Variants in RAB3GAP2 observed in about 807,000 individuals in gnomAD.
RAB3GAP2 encodes RAB3 GTPase activating non-catalytic protein subunit 2, also known as rab3 GTPase-activating protein non-catalytic subunit.
A neutral mutation model predicts 185.3 loss-of-function variants in RAB3GAP2; 87 were observed. The observed-to-expected ratio is 0.47, with a 90% confidence interval of 0.39 to 0.56. RAB3GAP2 has a LOEUF of 0.56. RAB3GAP2 is among the 20% of genes least tolerant of loss of function. The pLI is 0.00. For missense variants in RAB3GAP2, 1,492 were observed against 1,638.2 expected (o/e 0.91, Z 1.54); for synonymous variants, 554 against 576.1 (o/e 0.96, Z 0.55).
intron 31 of RAB3GAP2, among the ~76,000 whole-genome samples, chr1:220,156,953 G>T (rs1657869033): frequency 6.6e-6 from 1 of 152,096 alleles, no homozygotes; most frequent in African/African-American, 2.4e-5. Flanking sequence ...CTCAAAGAGA[G>T]AAGTTCAAAA....
intron 1 of RAB3GAP2, among the ~76,000 whole-genome samples, chr1:220,256,650 CAAAG>C (rs1334773168): frequency 6.6e-6 from 1 of 152,078 alleles, no homozygotes; most frequent in Non-Finnish European, 1.5e-5. Flanking sequence ...TTTAAAAAGA[CAAAG>C]AAGGGCATTA....
Position 220,272,222 on chromosome 1 carries a change from C to A in RAB3GAP2, c.115+1G>T, listed in dbSNP as rs903011510. On this transcript the variant is annotated splice_donor_variant, in intron 1 of 34. Transcript: ENST00000358951. LOFTEE classifies it high-confidence loss of function. Reference sequence around the variant, plus strand: ...AAGGGCGAGGCCAGAGAGGCACTTACTGGGGTCCCTCCGCAAGGCGCCGCT... The same window carrying A: ...AAGGGCGAGGCCAGAGAGGCACTTAATGGGGTCCCTCCGCAAGGCGCCGCT... 1 of 1,602,290 alleles carries A rather than the reference C, an allele frequency of 6.2e-7. No homozygotes were observed. The highest frequency in any genetic ancestry group is 8.5e-7 in the Non-Finnish European group (1 of 1,175,006).
At position 220,157,857 on chromosome 1, in the gene RAB3GAP2, G is replaced by A. The variant is rs1236611704; in HGVS notation, c.3281C>T (p.Thr1094Ile). Reference protein sequence around the residue: ...LCRRDVGMSDTAMTSFLGSCL... With the variant: ...LCRRDVGMSDIAMTSFLGSCL... ...GGAGCCGAGGAAAGATGTCATTGCTGTGTCACTCATTCCCACATCCTGTTT... is the reference window on the plus strand; with the variant it reads ...GGAGCCGAGGAAAGATGTCATTGCTATGTCACTCATTCCCACATCCTGTTT... Residue 1094 changes from threonine (T) to isoleucine (I), a missense_variant, in exon 30 of 35, where the codon ACA becomes ATA. This residue lies in a region of RAB3GAP2 where 387 missense variants were observed against 455.3 expected (regional missense o/e 0.85). Coordinates refer to ENST00000358951, the MANE Select transcript of RAB3GAP2 (RefSeq NM_012414.4). 1 of 1,613,574 alleles carries A rather than the reference G, an allele frequency of 6.2e-7. No homozygotes were observed. The highest frequency in any genetic ancestry group is 1.7e-5 in the Admixed American group (1 of 60,006).
chr1:220,223,876 G>A (rs1427976750), intron 2 of RAB3GAP2, among the ~76,000 whole-genome samples: 6 of 151,180 alleles, frequency 4.0e-5, no homozygotes, highest in Non-Finnish European at 7.4e-5. Flanking sequence ...TCCAGCCTGG[G>A]CAACATGGTA....
chr1:220,154,234 A>T, intron 31 of RAB3GAP2, 177 bp from the exon 32 acceptor site: 1 of 913,994 alleles, frequency 1.1e-6, no homozygotes, highest in South Asian at 1.9e-5. Context: ...AGCCTTTAAG[A>T]TGAAACCCAG....
In RAB3GAP2 at chr1:220,272,340, C is replaced by A; in HGVS notation, c.-3G>T. 6.2e-7 allele frequency: 1 copy of A among 1,604,362 alleles called. No homozygotes were observed. The highest frequency in any genetic ancestry group is 8.5e-7 in the Non-Finnish European group (1 of 1,174,608). On this transcript the variant is annotated 5_prime_UTR_variant, in exon 1 of 35. Transcript: ENST00000358951. ...AACTGGACAATGGAGCAGGCCATGG[C>A]TCCAGGGAACCCCACTACGGCACTC...
chr1:220,235,407 G>A (rs938500980), intron 1 of RAB3GAP2, among the ~76,000 whole-genome samples: 3 of 152,080 alleles, frequency 2.0e-5, no homozygotes, highest in African/African-American at 7.2e-5. Flanking sequence ...ACATTAGAAA[G>A]CAAAGAATCT....
At chr1:220,173,254 C>T (rs1012409378) in intron 21 of RAB3GAP2, among the ~76,000 whole-genome samples, 2 of 152,118 alleles carry the variant, frequency 1.3e-5, no homozygotes, top group Non-Finnish European at 2.9e-5. Flanking sequence ...AGACTTTAAA[C>T]CAAAAAACTT....
At chr1:220,162,350 A>G in intron 27 of RAB3GAP2, 82 bp from the exon 28 acceptor site, 1 of 922,590 alleles carries the variant, frequency 1.1e-6, no homozygotes, top group East Asian at 2.5e-5. Context: ...TCTTAAGCTT[A>G]TTAAACTATA....
chr1:220,245,432 T>C (rs1377675150), intron 1 of RAB3GAP2, among the ~76,000 whole-genome samples: 1 of 152,128 alleles, frequency 6.6e-6, no homozygotes, highest in African/African-American at 2.4e-5. Context: ...ATCGGGTCAC[T>C]CCCACCCGAA....
intron 1 of RAB3GAP2, among the ~76,000 whole-genome samples, chr1:220,269,372 A>G (rs996692685): frequency 1.3e-5 from 2 of 152,252 alleles, no homozygotes; most frequent in African/African-American, 2.4e-5. Flanking sequence ...CTTATACACC[A>G]TTTAAGAACT....
At chr1:220,167,842 C>T (rs1048033569) in intron 24 of RAB3GAP2, among the ~76,000 whole-genome samples, 167 bp from the exon 25 acceptor site, 17 of 152,142 alleles carry the variant, frequency 1.1e-4, no homozygotes, top group Non-Finnish European at 5.9e-5. Context: ...CTACCTACCA[C>T]GCAACTTGTG....
In RAB3GAP2 at chr1:220,150,615, A is replaced by G. The variant is rs979779597; in HGVS notation, c.*636T>C. Reference sequence around the variant, plus strand: ...TCTGATTCTCAATTTTGGCAAGTACAACAGGTTAAGGGTTCTATTTAGTGT... The same window carrying G: ...TCTGATTCTCAATTTTGGCAAGTACGACAGGTTAAGGGTTCTATTTAGTGT... On this transcript the variant is annotated 3_prime_UTR_variant, in exon 35 of 35. Coordinates refer to ENST00000358951, the MANE Select transcript of RAB3GAP2 (RefSeq NM_012414.4). The G allele has an allele frequency of 1.3e-5, 2 of 152,674 alleles. No homozygotes were observed. The highest frequency in any genetic ancestry group is 4.8e-5 in the African/African-American group (2 of 41,454). The allele number at this position is 152,674 out of a possible 1,614,324, so 9.5% of individuals were successfully genotyped here.
At chr1:220,217,505 T>C (rs1041389785) in intron 2 of RAB3GAP2, among the ~76,000 whole-genome samples, 1 of 152,106 alleles carries the variant, frequency 6.6e-6, no homozygotes, top group Non-Finnish European at 1.5e-5. Flanking sequence ...CTTTCAAACT[T>C]ACTGCAATTA....
At chr1:220,233,745 G>A (rs190275209) in intron 1 of RAB3GAP2, among the ~76,000 whole-genome samples, 2 of 152,048 alleles carry the variant, frequency 1.3e-5, no homozygotes, top group Admixed American at 1.3e-4. Context: ...CTGCTGTCCA[G>A]GCTAGAGTAC....
At chr1:220,267,720 G>C in intron 1 of RAB3GAP2, 2 of 1,568,102 alleles carry the variant, frequency 1.3e-6, no homozygotes, top group Non-Finnish European at 1.8e-6. Flanking sequence ...CTTGTGACTG[G>C]AGACAAGCTT....
chr1:220,264,576 T>A (rs1660197628), intron 1 of RAB3GAP2, among the ~76,000 whole-genome samples: 1 of 152,044 alleles, frequency 6.6e-6, no homozygotes, highest in Non-Finnish European at 1.5e-5. Flanking sequence ...AAGGTACTCT[T>A]ACTTCAATCT....
intron 2 of RAB3GAP2, among the ~76,000 whole-genome samples, chr1:220,223,633 C>T (rs1226728858): frequency 5.9e-5 from 9 of 151,902 alleles, no homozygotes; most frequent in Non-Finnish European, 1.3e-4. Flanking sequence ...ATTCATCTCT[C>T]ACAGTCTTGT....
chr1:220,193,519 A>C, intron 12 of RAB3GAP2, 140 bp from the exon 13 acceptor site: 1 of 829,450 alleles, frequency 1.2e-6, no homozygotes, highest in Non-Finnish European at 1.9e-6. Flanking sequence ...TTAATAGTTA[A>C]TTTATTAATC....
Sources: allele counts gnomAD v4.1 joint callset (sites outside exome capture counted in the v4.1 genomes callset), GRCh38; gene constraint gnomAD v4.1.1; regional missense constraint gnomAD v4.1.1; transcripts MANE v1.5; gene names NCBI Gene and HGNC (gene_info 2026-07-23, HGNC 2026-07-21).